Variants in CPA6 observed in about 807,000 individuals in gnomAD.
The protein encoded by CPA6 is carboxypeptidase A6.
CPA6 carries 58 observed loss-of-function variants against 63.3 expected under a neutral mutation model. The ratio of observed to expected loss-of-function variants is 0.92; its 90% CI spans 0.74 to 1.14. The LOEUF is 1.14. CPA6 is among the 50% of genes most tolerant of loss of function. The pLI, the probability that CPA6 is intolerant of heterozygous loss-of-function variation, is 0.00. For synonymous variants in CPA6, 185 were observed against 179.0 expected (o/e 1.03, Z -0.27); for missense variants, 565 against 526.6 (o/e 1.07, Z -0.71).
chr8:67,521,597 G>A (rs192498621), intron 2 of CPA6, among the ~76,000 whole-genome samples: 1 of 152,304 alleles, frequency 6.6e-6, no homozygotes, highest in Admixed American at 6.5e-5. Flanking sequence ...AAAAGCTGAG[G>A]CTATTTGAAA....
chr8:67,673,353 T>TTTATTATTATTATTATTATTA (rs71253021), intron 1 of CPA6, among the ~76,000 whole-genome samples: 3 of 140,114 alleles, frequency 2.1e-5, no homozygotes, highest in African/African-American at 8.4e-5. Flanking sequence ...TCTCTTTCAA[T>TTTATTATTATTATTATTATTA]TTATTATTAT....
intron 2 of CPA6, among the ~76,000 whole-genome samples, chr8:67,606,073 A>G (rs1587625731): frequency 7.6e-6 from 1 of 131,934 alleles, no homozygotes. Flanking sequence ...ATGATTTCCA[A>G]TTTCAAGGAC....
intron 1 of CPA6, among the ~76,000 whole-genome samples, chr8:67,661,720 T>G (rs992889546): frequency 6.6e-6 from 1 of 152,134 alleles, no homozygotes; most frequent in African/African-American, 2.4e-5. Context: ...ATGAGAAATC[T>G]TAAACAGAGC....
intron 10 of CPA6, 26 bp from the exon 11 acceptor site, chr8:67,422,717 G>C: frequency 6.7e-7 from 1 of 1,486,564 alleles, no homozygotes. Context: ...AAAAAAAAAA[G>C]ATCAGCCTCA....
intron 2 of CPA6, among the ~76,000 whole-genome samples, chr8:67,600,439 T>C (rs973031649): frequency 6.6e-6 from 1 of 152,160 alleles, no homozygotes; most frequent in Non-Finnish European, 1.5e-5. Flanking sequence ...AAAGATCTAT[T>C]GTACAATGTG....
intron 6 of CPA6, among the ~76,000 whole-genome samples, chr8:67,500,272 T>A (rs1384010624): frequency 6.6e-6 from 1 of 152,214 alleles, no homozygotes; most frequent in Non-Finnish European, 1.5e-5. Context: ...GATAGCTCAC[T>A]GTGGCTTTAA....
chr8:67,480,866 G>C (rs1360390893), intron 8 of CPA6, among the ~76,000 whole-genome samples: 1 of 152,164 alleles, frequency 6.6e-6, no homozygotes, highest in Non-Finnish European at 1.5e-5. Context: ...CTTAGTAGAT[G>C]TGAAGTGGTA....
chr8:67,455,097 T>C (rs1810641186), intron 8 of CPA6, among the ~76,000 whole-genome samples: 1 of 152,106 alleles, frequency 6.6e-6, no homozygotes. Context: ...AGAAAAGGTT[T>C]TGTTGATTCT....
At chr8:67,702,401 G>A (rs185145911) in intron 1 of CPA6, among the ~76,000 whole-genome samples, 8 of 151,628 alleles carry the variant, frequency 5.3e-5, no homozygotes, top group African/African-American at 1.2e-4. Flanking sequence ...AGGCAGACAT[G>A]AGCAGTGCAG....
chr8:67,579,212 A>T (rs1333726391), intron 2 of CPA6, among the ~76,000 whole-genome samples: 1 of 152,240 alleles, frequency 6.6e-6, no homozygotes, highest in Admixed American at 6.5e-5. Context: ...GGAGTTCAAC[A>T]CCAGCCTGGC....
At chr8:67,496,455 T>C (rs908168407) in intron 6 of CPA6, among the ~76,000 whole-genome samples, 1 of 148,342 alleles carries the variant, frequency 6.7e-6, no homozygotes, top group Non-Finnish European at 1.5e-5. Flanking sequence ...CATCCTTTTA[T>C]AGTGTGCAAT....
At chr8:67,671,449 G>A (rs1028834459) in intron 1 of CPA6, among the ~76,000 whole-genome samples, 1 of 152,152 alleles carries the variant, frequency 6.6e-6, no homozygotes, top group African/African-American at 2.4e-5. Context: ...AGGGTTCATT[G>A]GTGATGCTAA....
At chr8:67,459,135 TA>T (rs1028001904) in intron 8 of CPA6, among the ~76,000 whole-genome samples, 1 of 152,208 alleles carries the variant, frequency 6.6e-6, no homozygotes, top group Non-Finnish European at 1.5e-5. Context: ...AAAAATTATT[TA>T]AAAATTTTTA....
intron 2 of CPA6, among the ~76,000 whole-genome samples, chr8:67,541,109 C>T (rs1812694587): frequency 6.6e-6 from 1 of 152,154 alleles, no homozygotes; most frequent in South Asian, 2.1e-4. Context: ...ACTCCTGCAG[C>T]TAGCTTGGTG....
chr8:67,436,984 G>A (rs952119593), intron 8 of CPA6, among the ~76,000 whole-genome samples: 1 of 152,180 alleles, frequency 6.6e-6, no homozygotes, highest in Non-Finnish European at 1.5e-5. Flanking sequence ...TCATGCTGTA[G>A]GGAAGTCAAG....
chr8:67,594,360 T>G (rs1387963600), intron 2 of CPA6, among the ~76,000 whole-genome samples: 1 of 152,110 alleles, frequency 6.6e-6, no homozygotes, highest in African/African-American at 2.4e-5. Context: ...CAATTATGTG[T>G]CTTGGAGTTG....
chr8:67,703,683 G>C (rs983438913), intron 1 of CPA6, among the ~76,000 whole-genome samples: 1 of 152,176 alleles, frequency 6.6e-6, no homozygotes, highest in Non-Finnish European at 1.5e-5. Context: ...TATCCCCTGA[G>C]ATTTATACTT....
chr8:67,526,287 A>G (rs1276804371), intron 2 of CPA6, among the ~76,000 whole-genome samples: 1 of 152,210 alleles, frequency 6.6e-6, no homozygotes, highest in Non-Finnish European at 1.5e-5. Flanking sequence ...CTAAAACTGT[A>G]ATTGGTAAAG....
intron 2 of CPA6, among the ~76,000 whole-genome samples, chr8:67,524,659 T>C (rs1368426273): frequency 6.6e-6 from 1 of 151,706 alleles, no homozygotes; most frequent in South Asian, 2.1e-4. Flanking sequence ...AGGTCTTGAA[T>C]GTGGTTAGGA....
Sources: allele counts gnomAD v4.1 joint callset (sites outside exome capture counted in the v4.1 genomes callset), GRCh38; gene constraint gnomAD v4.1.1; transcripts MANE v1.5; gene names NCBI Gene and HGNC (gene_info 2026-07-23, HGNC 2026-07-21).